FIG4: variants seen among roughly 807,000 people sequenced by gnomAD.
The protein encoded by FIG4 is FIG4 phosphoinositide 5-phosphatase, also known as polyphosphoinositide phosphatase.
In FIG4, 112 loss-of-function variants were observed where a neutral mutation model predicts 118.6. The ratio of observed to expected loss-of-function variants is 0.94; its 90% confidence interval spans 0.81 to 1.11. The LOEUF (loss-of-function observed/expected upper bound fraction) is 1.11, where lower values mean the gene tolerates loss of function less well. Ranked by LOEUF, FIG4 falls within the 50% of genes least tolerant of loss-of-function variation. The probability of loss-of-function intolerance (pLI) is 0.00; values close to 1 mark genes in which losing one functional copy is unlikely to be tolerated. For missense variants in FIG4, 969 were observed against 1,111.7 expected (o/e 0.87, Z 1.83); for synonymous variants, 369 against 381.2 (o/e 0.97, Z 0.37).
chr6:109,787,884 C>A (rs191360493), intron 18 of FIG4, among the ~76,000 whole-genome samples: 242 of 152,230 alleles, frequency 1.6e-3, no homozygotes, highest in African/African-American at 5.7e-3. Context: ...TGTTTAAAGA[C>A]AGAAACGTAG....
At chr6:109,755,366 C>T (rs527544925) in intron 10 of FIG4, among the ~76,000 whole-genome samples, 1 of 152,216 alleles carries the variant, frequency 6.6e-6, no homozygotes, top group South Asian at 2.1e-4. Context: ...CCTATGTGGT[C>T]AATTTTGGAA....
chr6:109,694,730 A>G lies in FIG4; in HGVS notation c.66+3229A>G, dbSNP rs547693151. ...TCCAGAATATATGAGGAATTCAACA[A>G]CTCAACAGCAAATACCCCCAGATAA... On this transcript the variant is annotated intron_variant, in intron 1 of 22. Transcript: ENST00000230124. Among the ~76,000 whole-genome samples the G allele has an allele frequency of 8.5e-5, 13 of 152,318 alleles. No individual in the cohort carries two copies. The South Asian group carries it at 2.1e-3, about 24-fold the overall frequency.
chr6:109,728,810 C>T (rs2128384436), intron 4 of FIG4, among the ~76,000 whole-genome samples: 1 of 152,174 alleles, frequency 6.6e-6, no homozygotes, highest in Middle Eastern at 3.4e-3. Flanking sequence ...CATGCGAATC[C>T]AGGGATAGGA....
chr6:109,740,104 T>A (rs1776278736), intron 7 of FIG4, among the ~76,000 whole-genome samples: 1 of 152,174 alleles, frequency 6.6e-6, no homozygotes, highest in African/African-American at 2.4e-5. Context: ...TTTCCAAAAG[T>A]AAATTCTACC....
intron 16 of FIG4, among the ~76,000 whole-genome samples, chr6:109,782,386 A>G (rs775524914): frequency 5.3e-5 from 8 of 152,222 alleles, no homozygotes. Flanking sequence ...ACTCACCCAA[A>G]AGACTTGGAA....
At chr6:109,780,715 A>G (rs932897711) in intron 16 of FIG4, among the ~76,000 whole-genome samples, 7 of 152,204 alleles carry the variant, frequency 4.6e-5, no homozygotes, top group Non-Finnish European at 1.0e-4. Context: ...CAGGAATGGT[A>G]TAGATAATGG....
chr6:109,792,709 A>AATT, intron 21 of FIG4, 45 bp downstream of exon 21: 1 of 1,060,544 alleles, frequency 9.4e-7, no homozygotes, highest in South Asian at 1.3e-5. Context: ...GAATATTTAT[A>AATT]ATTACAGTAA....
At chr6:109,801,712 A>T (rs1778433509) in intron 22 of FIG4, among the ~76,000 whole-genome samples, 1 of 152,204 alleles carries the variant, frequency 6.6e-6, no homozygotes, top group African/African-American at 2.4e-5. Flanking sequence ...GCATGCTGTT[A>T]CACAGAATTA....
chr6:109,789,444 T>A (rs1001294070), intron 18 of FIG4, 150 bp from the exon 19 acceptor site: 3 of 678,798 alleles, frequency 4.4e-6, no homozygotes, highest in Non-Finnish European at 8.1e-6. Context: ...TAATTCATGG[T>A]TTTATGTCCC....
chr6:109,704,174 A>G (rs1774986651), intron 1 of FIG4, among the ~76,000 whole-genome samples: 1 of 152,204 alleles, frequency 6.6e-6, no homozygotes, highest in Non-Finnish European at 1.5e-5. Context: ...CTATCTGCTT[A>G]AAGGTAATTG....
At chr6:109,700,179 C>T (rs1229462280) in intron 1 of FIG4, among the ~76,000 whole-genome samples, 2 of 152,198 alleles carry the variant, frequency 1.3e-5, no homozygotes, top group Non-Finnish European at 1.5e-5. Flanking sequence ...CTTTCTCTAG[C>T]TTCATAAGAT....
At position 109,705,723 on chromosome 6, in the gene FIG4, C is replaced by A. The variant is rs1453969867; in HGVS notation, c.67-9355C>A. 3.3e-5 allele frequency among the ~76,000 whole-genome samples: 5 copies of A among 152,180 alleles called. No homozygotes were observed. In the East Asian group the frequency reaches 9.6e-4, roughly 29 times the overall value. On this transcript the variant is annotated intron_variant, in intron 1 of 22. Coordinates refer to ENST00000230124, the MANE Select transcript of FIG4 (RefSeq NM_014845.6). The stretch of plus-strand genomic sequence containing the variant: ...ATCACAAACTGCCAAAGTATCATCC[C>A]ATTGCAATTAATCTTTAGGTTTCGT...
chr6:109,751,524 G>T (rs2128388736), intron 10 of FIG4, among the ~76,000 whole-genome samples: 1 of 152,248 alleles, frequency 6.6e-6, no homozygotes, highest in South Asian at 2.1e-4. Context: ...GTAGAATTTG[G>T]CTGTGAATCT....
chr6:109,820,393 G>A (rs1433755089), intron 22 of FIG4, among the ~76,000 whole-genome samples: 1 of 152,206 alleles, frequency 6.6e-6, no homozygotes, highest in East Asian at 1.9e-4. Flanking sequence ...GAGATTAAGA[G>A]TGTTACCACC....
intron 16 of FIG4, among the ~76,000 whole-genome samples, chr6:109,783,920 A>G (rs188783276): frequency 2.0e-5 from 3 of 152,266 alleles, no homozygotes; most frequent in African/African-American, 7.2e-5. Context: ...GCCCCACACA[A>G]TTCATTAGGC....
intron 1 of FIG4, chr6:109,701,650 T>G: frequency 2.1e-6 from 1 of 470,048 alleles, no homozygotes; most frequent in Non-Finnish European, 4.4e-6. Flanking sequence ...ATTGCCTGCC[T>G]TGTTCCAAAA....
intron 10 of FIG4, among the ~76,000 whole-genome samples, chr6:109,745,174 G>A (rs1474686120): frequency 6.6e-6 from 1 of 152,100 alleles, no homozygotes; most frequent in Admixed American, 6.5e-5. Flanking sequence ...GGATTGCTGG[G>A]TCAAATGGTA....
intron 22 of FIG4, among the ~76,000 whole-genome samples, chr6:109,803,121 G>A (rs539817230): frequency 6.6e-6 from 1 of 152,280 alleles, no homozygotes; most frequent in Non-Finnish European, 1.5e-5. Context: ...GAGATGCTAA[G>A]GGAGAGAGTA....
At chr6:109,722,127 A>T (rs1775630023) in intron 3 of FIG4, among the ~76,000 whole-genome samples, 1 of 150,338 alleles carries the variant, frequency 6.7e-6, no homozygotes, top group Non-Finnish European at 1.5e-5. Context: ...TGAAAGGATG[A>T]CTACTTCCTA....
Sources: gnomAD v4.1 joint callset for allele counts (sites outside exome capture counted in the v4.1 genomes callset) on GRCh38, gnomAD v4.1.1 for gene constraint, MANE v1.5 for transcripts, NCBI Gene and HGNC (gene_info 2026-07-23, HGNC 2026-07-21) for gene names.